PPP1R3A: variants seen among roughly 807,000 people sequenced by gnomAD.
PPP1R3A encodes RG1.
PPP1R3A carries 29 observed loss-of-function variants against 41.7 expected under a neutral mutation model. That is an observed-to-expected ratio of 0.70 (90% CI 0.52 to 0.95). The LOEUF (loss-of-function observed/expected upper bound fraction) is 0.95. Ranked by LOEUF, PPP1R3A falls within the 40% of genes least tolerant of loss-of-function variation. The pLI, the probability that PPP1R3A is intolerant of heterozygous loss-of-function variation, is 0.00. For synonymous variants in PPP1R3A, 485 were observed against 453.4 expected, an observed-to-expected ratio of 1.07 and a Z score of -0.89; for missense variants, 1,352 against 1,292.4, an observed-to-expected ratio of 1.05 and a Z score of -0.71.
In PPP1R3A at chr7:113,878,308, A is replaced by C. The variant is rs1206804462; in HGVS notation, c.2784T>G (p.Asn928Lys). Reference sequence around the variant, plus strand: ...CATTCTCTACAGCAATTGCCTGCTCATTAGTTGACACTGAAATTTCAGTAT... The same window carrying C: ...CATTCTCTACAGCAATTGCCTGCTCCTTAGTTGACACTGAAATTTCAGTAT... Reference protein sequence around the residue: ...KHHTEISVSTNEQAIAVENAV... With the variant: ...KHHTEISVSTKEQAIAVENAV... The change falls in exon 4 of 4, where the codon AAT becomes AAG. Residue 928 changes from asparagine (N) to lysine (K), a missense_variant. Physicochemically the swap from Asn to Lys is moderately conservative, Grantham distance 94. Coordinates refer to ENST00000284601, the MANE Select transcript of PPP1R3A (RefSeq NM_002711.4). 1 of 1,613,204 alleles carries C rather than the reference A, an allele frequency of 6.2e-7. No individual in the cohort carries two copies. The highest frequency in any genetic ancestry group is 8.5e-7 in the Non-Finnish European group (1 of 1,179,626).
intron 1 of PPP1R3A, among the ~76,000 whole-genome samples, chr7:113,883,714 T>C (rs1796734805): frequency 6.6e-6 from 1 of 152,116 alleles, no homozygotes; most frequent in East Asian, 1.9e-4. Context: ...TAAAAATATA[T>C]AAACCATTAA....
At chr7:113,914,277 C>G (rs923336679) in intron 1 of PPP1R3A, among the ~76,000 whole-genome samples, 7 of 152,076 alleles carry the variant, frequency 4.6e-5, no homozygotes, top group Non-Finnish European at 8.8e-5. Context: ...GCTTTGAGCT[C>G]TGAAGTAATA....
chr7:113,918,309 T>C lies in PPP1R3A; in HGVS notation c.688A>G (p.Ile230Val). The C allele has an allele frequency of 6.2e-7, 1 of 1,612,848 alleles. No individual in the cohort carries two copies. The highest frequency in any genetic ancestry group is 8.5e-7 in the Non-Finnish European group (1 of 1,179,276). Residue 230 changes from isoleucine to valine, a missense_variant, in exon 1 of 4, where the codon ATT becomes GTT. Coordinates refer to ENST00000284601, the MANE Select transcript of PPP1R3A (RefSeq NM_002711.4). ...SNNNGTNYTF[I>V]CQKKEQEPEP... ...GGCTCTTGTTCTTTCTTTTGACAAA[T>C]GAATGTATAATTTGTGCCATTATTA...
chr7:113,878,294 G>T lies in PPP1R3A; in HGVS notation c.2798C>A (p.Ala933Asp), dbSNP rs1796607402. 2 of 1,613,026 alleles carry T rather than the reference G, an allele frequency of 1.2e-6. No individual in the cohort carries two copies. The highest frequency in any genetic ancestry group is 2.2e-5 in the East Asian group (1 of 44,840). ...CATGGTAGTAACTGCATTCTCTACA[G>T]CAATTGCCTGCTCATTAGTTGACAC... Reference protein sequence around the residue: ...ISVSTNEQAIAVENAVTTMAS... With the variant: ...ISVSTNEQAIDVENAVTTMAS... The change falls in exon 4 of 4, where the codon GCT becomes GAT. Residue 933 changes from alanine (A) to aspartate (D), a missense_variant. Coordinates refer to ENST00000284601, the MANE Select transcript of PPP1R3A (RefSeq NM_002711.4).
intron 1 of PPP1R3A, among the ~76,000 whole-genome samples, chr7:113,910,108 C>A (rs960842231): frequency 6.6e-6 from 1 of 151,978 alleles, no homozygotes; most frequent in African/African-American, 2.4e-5. Flanking sequence ...ACCATCAGAT[C>A]TCACGAGATT....
In PPP1R3A at chr7:113,918,698, T is replaced by C. The variant is rs1797384071; in HGVS notation, c.299A>G (p.His100Arg). The change falls in exon 1 of 4, where the codon CAC (histidine) becomes CGC (arginine). Residue 100 changes from histidine to arginine, a missense_variant. Physicochemically the swap from His to Arg is conservative, Grantham distance 29. Transcript: ENST00000284601. ...TTFDLGTDIFHTEEYVLAPLF... is the reference protein window; with the variant it reads ...TTFDLGTDIFRTEEYVLAPLF... ...TGGGGCTAAAACATATTCTTCTGTG[T>C]GGAAAATGTCCGTCCCTAAGTCAAA... 2 of 1,613,670 alleles carry C rather than the reference T, an allele frequency of 1.2e-6. No homozygotes were observed. The highest frequency in any genetic ancestry group is 1.7e-6 in the Non-Finnish European group (2 of 1,179,868).
At chr7:113,892,299 G>C (rs1796905184) in intron 1 of PPP1R3A, among the ~76,000 whole-genome samples, 1 of 151,976 alleles carries the variant, frequency 6.6e-6, no homozygotes, top group South Asian at 2.1e-4. Context: ...TATGTCATTG[G>C]CACTAAGTGG....
In PPP1R3A at chr7:113,877,358, T is replaced by G. The variant is rs1796583655; in HGVS notation, c.*365A>C. The G allele has an allele frequency of 6.0e-6, 1 of 166,490 alleles. No individual in the cohort carries two copies. The allele number at this position is 166,490 out of a possible 1,614,324, so 10.3% of individuals were successfully genotyped here. A position where few individuals can be genotyped will look rare whatever the true frequency, so the allele number is the denominator to read the frequency against. On this transcript the variant is annotated 3_prime_UTR_variant, in exon 4 of 4. Transcript: ENST00000284601. ...TAAAACCGTAGGGGAAAATATATACTCTCAAGGGGAAAAAAAAATGAAGCT... is the reference window on the plus strand; with the variant it reads ...TAAAACCGTAGGGGAAAATATATACGCTCAAGGGGAAAAAAAAATGAAGCT...
intron 1 of PPP1R3A, among the ~76,000 whole-genome samples, chr7:113,888,420 G>A (rs1796823910): frequency 6.6e-6 from 1 of 152,072 alleles, no homozygotes; most frequent in African/African-American, 2.4e-5. Context: ...AACCAAATAT[G>A]AGTTTTAATT....
intron 1 of PPP1R3A, among the ~76,000 whole-genome samples, chr7:113,912,213 TA>T (rs781522025): frequency 6.6e-6 from 1 of 152,096 alleles, no homozygotes; most frequent in Non-Finnish European, 1.5e-5. Flanking sequence ...ACAACGTACT[TA>T]AATCTACCTT....
chr7:113,877,832 A>T lies in PPP1R3A; in HGVS notation c.3260T>A (p.Ile1087Lys). 6.2e-7 allele frequency: 1 copy of T among 1,609,330 alleles called. No homozygotes were observed. The highest frequency in any genetic ancestry group is 8.5e-7 in the Non-Finnish European group (1 of 1,176,172). The change falls in exon 4 of 4, where the codon ATA becomes AAA. Residue 1087 changes from isoleucine to lysine, a missense_variant. Physicochemically the swap from Ile to Lys is moderately radical, Grantham distance 102. Coordinates refer to ENST00000284601, the MANE Select transcript of PPP1R3A (RefSeq NM_002711.4). Reference sequence around the variant, plus strand: ...CATTAAGTCATAATGGTAGACAGTTATAAGAAATATCAGAAACAAAAGGAA... The same window carrying T: ...CATTAAGTCATAATGGTAGACAGTTTTAAGAAATATCAGAAACAAAAGGAA... ...PYFLLFLIFL[I>K]TVYHYDLMIG... is the part of the protein sequence containing the mutation.
At chr7:113,882,724 A>G (rs554994747) in intron 1 of PPP1R3A, among the ~76,000 whole-genome samples, 1 of 152,060 alleles carries the variant, frequency 6.6e-6, no homozygotes, top group African/African-American at 2.4e-5. Context: ...CTGACAGTCT[A>G]TTTATGGTCA....
intron 1 of PPP1R3A, among the ~76,000 whole-genome samples, chr7:113,904,691 A>G (rs1797117706): frequency 6.6e-6 from 1 of 151,700 alleles, no homozygotes; most frequent in African/African-American, 2.4e-5. Flanking sequence ...TACAAAGAAA[A>G]AAAAATTGTC....
At chr7:113,894,552 T>G (rs1466591349) in intron 1 of PPP1R3A, among the ~76,000 whole-genome samples, 1 of 151,954 alleles carries the variant, frequency 6.6e-6, no homozygotes, top group Non-Finnish European at 1.5e-5. Context: ...CTCCACAATT[T>G]CCTCACAACG....
chr7:113,883,948 T>G (rs1238410420), intron 1 of PPP1R3A, among the ~76,000 whole-genome samples: 1 of 151,976 alleles, frequency 6.6e-6, no homozygotes, highest in African/African-American at 2.4e-5. Context: ...TATTCAACTA[T>G]GTATTCTTAT....
chr7:113,918,888 A>T lies in PPP1R3A; in HGVS notation c.109T>A (p.Phe37Ile). 1 of 1,613,602 alleles carries T rather than the reference A, an allele frequency of 6.2e-7. No homozygotes were observed. Residue 37 changes from phenylalanine to isoleucine, a missense_variant, in exon 1 of 4, where the codon TTC becomes ATC. Physicochemically the swap from Phe to Ile is conservative, Grantham distance 21. Transcript: ENST00000284601. ...EDEEVTFQPG[F>I]SPQPSRRGSD... is the part of the protein sequence containing the mutation. ...CCTCGTCTACTTGGTTGAGGGGAGA[A>T]ACCAGGTTGGAAAGTAACTTCTTCA...
Position 113,880,021 on chromosome 7 carries a change from C to G in PPP1R3A, c.1071G>C (p.Glu357Asp). 2.5e-6 allele frequency: 4 copies of G among 1,612,208 alleles called. No homozygotes were observed. The highest frequency in any genetic ancestry group is 3.4e-6 in the Non-Finnish European group (4 of 1,178,562). The change falls in exon 4 of 4, where the codon GAG becomes GAC. Residue 357 changes from glutamate (E) to aspartate (D), a missense_variant. Glu to Asp is a conservative substitution (Grantham distance 45, BLOSUM62 2). Coordinates refer to ENST00000284601, the MANE Select transcript of PPP1R3A (RefSeq NM_002711.4). ...VNFPNKAEGL[E>D]KKQIHGEICT... The stretch of plus-strand genomic sequence containing the variant: ...ATATTTCACCATGGATTTGCTTCTT[C>G]TCTAACCCCTCTGCTTTATTTGGAA...
At position 113,878,995 on chromosome 7, in the gene PPP1R3A, T is replaced by A. The variant is rs764321510; in HGVS notation, c.2097A>T (p.Thr699=). 2 of 1,613,426 alleles carry A rather than the reference T, an allele frequency of 1.2e-6. No homozygotes were observed. The highest frequency in any genetic ancestry group is 3.3e-5 in the Admixed American group (2 of 59,932). The change falls in exon 4 of 4, where the codon ACA becomes ACT. Residue 699 remains threonine, a synonymous_variant. Transcript: ENST00000284601. ...TTTCTTGGCAGGTAAACAATTCTTC[T>A]GTAGTAGCTTTCAAACTCCTCGTAT... The part of the protein sequence containing the change: ...RDNTRSLKAT[T]EELFTCQETV...
intron 1 of PPP1R3A, among the ~76,000 whole-genome samples, chr7:113,884,455 A>G (rs539184010): frequency 4.6e-5 from 7 of 152,190 alleles, no homozygotes; most frequent in African/African-American, 1.7e-4. Flanking sequence ...GAACTTTGGT[A>G]TATGACAAAT....
Sources: allele counts gnomAD v4.1 joint callset (sites outside exome capture counted in the v4.1 genomes callset), GRCh38; gene constraint gnomAD v4.1.1; transcripts MANE v1.5; gene names NCBI Gene and HGNC (gene_info 2026-07-23, HGNC 2026-07-21).